IRS1: variants seen among roughly 807,000 people sequenced by gnomAD.
IRS1 encodes the protein insulin receptor substrate 1.
A neutral mutation model predicts 65.6 loss-of-function variants in IRS1; 34 were observed. The observed-to-expected ratio is 0.52, with a 90% CI of 0.39 to 0.69. The LOEUF is 0.69. IRS1 is among the 30% of genes least tolerant of loss of function. IRS1 has a pLI of 0.00. For missense variants in IRS1, 1,641 were observed against 1,720.2 expected (o/e 0.95, Z 0.81); for synonymous variants, 699 against 683.5 (o/e 1.02, Z -0.35).
intron 1 of IRS1, among the ~76,000 whole-genome samples, chr2:226,791,853 T>C (rs1025405972): frequency 6.6e-6 from 1 of 151,998 alleles, no homozygotes; most frequent in Non-Finnish European, 1.5e-5. Flanking sequence ...CCGCCCTGGA[T>C]GACCCGAGAC....
chr2:226,756,830 C>T (rs1422369563), intron 1 of IRS1, among the ~76,000 whole-genome samples: 6 of 151,972 alleles, frequency 3.9e-5, no homozygotes, highest in African/African-American at 4.8e-5. Flanking sequence ...GGCACGATGG[C>T]GTGCGCCTGT....
chr2:226,749,813 T>G (rs1938637332), intron 1 of IRS1, among the ~76,000 whole-genome samples: 1 of 152,150 alleles, frequency 6.6e-6, no homozygotes, highest in Admixed American at 6.5e-5. Flanking sequence ...ACTGCCCTAT[T>G]CTCATTTCTA....
At chr2:226,766,823 C>T (rs1293122185) in intron 1 of IRS1, among the ~76,000 whole-genome samples, 2 of 152,134 alleles carry the variant, frequency 1.3e-5, no homozygotes, top group Non-Finnish European at 2.9e-5. Context: ...ACTCTCTTGC[C>T]ACCATTCCAT....
chr2:226,795,226 C>T lies in IRS1; in HGVS notation c.3513G>A (p.Gly1171=). Residue 1171 remains glycine (G), a synonymous_variant, in exon 1 of 2, where the codon GGG becomes GGA. Coordinates refer to ENST00000305123, the MANE Select transcript of IRS1 (RefSeq NM_005544.3). The part of the protein sequence containing the change: ...KEPAKLCGAA[G]GLENGLNYID... ...TGTAGTTAAGACCATTCTCCAAACC[C>T]CCAGCAGCCCCACACAGTTTGGCTG... The T allele has an allele frequency of 6.2e-7, 1 of 1,614,076 alleles. No homozygotes were observed. Among genetic ancestry groups the T allele is most frequent in the Non-Finnish European group, 8.5e-7 (1 of 1,180,008 alleles).
chr2:226,798,601 G>A lies in IRS1; in HGVS notation c.138C>T (p.Tyr46=), dbSNP rs1939809825. The change falls in exon 1 of 2, where the codon TAC becomes TAT. Residue 46 remains tyrosine (Y), a synonymous_variant. Coordinates refer to ENST00000305123, the MANE Select transcript of IRS1 (RefSeq NM_005544.3). The surrounding 1 kb of genome is among the most constrained non-coding windows in gnomAD (Gnocchi z 9.4). Reference sequence around the variant, plus strand: ...GCCGCCACTTCTTCTCGTTCTCGTAGTACTCGAGGCGCGCCGGGCCCCCAG... The same window carrying A: ...GCCGCCACTTCTTCTCGTTCTCGTAATACTCGAGGCGCGCCGGGCCCCCAG... ...SEAGGPARLE[Y]YENEKKWRHK... 3 of 1,613,424 alleles carry A rather than the reference G, an allele frequency of 1.9e-6. No homozygotes were observed. The African/African-American group carries it at 4.0e-5, about 22-fold the overall frequency.
chr2:226,760,967 A>G (rs1236958448), intron 1 of IRS1, among the ~76,000 whole-genome samples: 2 of 152,222 alleles, frequency 1.3e-5, no homozygotes, highest in Non-Finnish European at 2.9e-5. Flanking sequence ...TTGTGAAAGT[A>G]TGATTGTGAA....
At chr2:226,758,465 A>G (rs990023510) in intron 1 of IRS1, among the ~76,000 whole-genome samples, 4 of 152,198 alleles carry the variant, frequency 2.6e-5, no homozygotes, top group African/African-American at 9.6e-5. Context: ...TAGCCTAAAT[A>G]CTTTCCCAAT....
intron 1 of IRS1, among the ~76,000 whole-genome samples, chr2:226,777,317 G>T (rs1029610770): frequency 3.3e-5 from 5 of 152,146 alleles, no homozygotes; most frequent in African/African-American, 1.2e-4. Context: ...ATAAAAAAGT[G>T]TATTTTAAAA....
In IRS1 at chr2:226,757,541, G is replaced by A. The variant is rs73083618; in HGVS notation, c.*22-21291C>T. On this transcript the variant is annotated intron_variant, in intron 1 of 1. Coordinates refer to ENST00000305123, the MANE Select transcript of IRS1 (RefSeq NM_005544.3). The stretch of plus-strand genomic sequence containing the variant: ...TGAGGCAAGAAAATTGCTTGAACCC[G>A]AAAGTGGAGGTTGCAGTGAGCCAAG... 3.6e-3 allele frequency among the ~76,000 whole-genome samples: 554 copies of A among 152,262 alleles called. 2 individuals are homozygous for A. Among genetic ancestry groups the A allele is most frequent in the African/African-American group, 0.012 (507 of 41,572 alleles).
intron 1 of IRS1, among the ~76,000 whole-genome samples, chr2:226,741,350 T>C (rs1238242203): frequency 6.6e-6 from 1 of 151,902 alleles, no homozygotes; most frequent in East Asian, 1.9e-4. Context: ...ATGGGGAGAG[T>C]AGGAATTTGA....
In IRS1 at chr2:226,796,177, G is replaced by T; in HGVS notation, c.2562C>A (p.Arg854=). 6.2e-7 allele frequency: 1 copy of T among 1,613,724 alleles called. No individual in the cohort carries two copies. Among genetic ancestry groups the T allele is most frequent in the Non-Finnish European group, 8.5e-7 (1 of 1,180,016 alleles). The change falls in exon 1 of 2, where the codon CGC becomes CGA. Residue 854 remains arginine, a synonymous_variant. Coordinates refer to ENST00000305123, the MANE Select transcript of IRS1 (RefSeq NM_005544.3). ...KVDTAAQTNS[R]LARPTRLSLG... ...GGGACAGCCTCGTGGGCCGGGCCAGGCGGCTATTGGTCTGAGCAGCTGTGT... is the reference window on the plus strand; with the variant it reads ...GGGACAGCCTCGTGGGCCGGGCCAGTCGGCTATTGGTCTGAGCAGCTGTGT...
intron 1 of IRS1, among the ~76,000 whole-genome samples, chr2:226,750,311 G>C (rs1260352045): frequency 6.7e-6 from 1 of 150,234 alleles, no homozygotes; most frequent in Non-Finnish European, 1.5e-5. Flanking sequence ...CAACTGGTTA[G>C]TAGTAGCACT....
chr2:226,767,900 A>G (rs1939086791), intron 1 of IRS1, among the ~76,000 whole-genome samples: 1 of 152,142 alleles, frequency 6.6e-6, no homozygotes, highest in African/African-American at 2.4e-5. Flanking sequence ...ACTTAGTAAC[A>G]TGGTGAGTGG....
rs561126011 is a variant in IRS1, at chr2:226,732,050, T to C, written c.*4222A>G. 1 of 152,278 alleles carries C rather than the reference T, an allele frequency of 6.6e-6. No homozygotes were observed. The highest frequency in any genetic ancestry group is 2.4e-5 in the African/African-American group (1 of 41,572). The allele number at this position is 152,278 out of a possible 1,614,324, so 9.4% of individuals were successfully genotyped here. ...ACAAACTAGAAAAGAAAGCTAACTC[T>C]CCACCTAAGTCATGTGTTTTCTAGT... On this transcript the variant is annotated 3_prime_UTR_variant, in exon 2 of 2. Coordinates refer to ENST00000305123, the MANE Select transcript of IRS1 (RefSeq NM_005544.3).
chr2:226,767,832 T>A (rs76490719), intron 1 of IRS1, among the ~76,000 whole-genome samples: 1 of 152,102 alleles, frequency 6.6e-6, no homozygotes, highest in Non-Finnish European at 1.5e-5. Flanking sequence ...ACTATCAAAC[T>A]CAAAGGCATG....
intron 1 of IRS1, among the ~76,000 whole-genome samples, chr2:226,746,024 A>G (rs1447569446): frequency 6.6e-6 from 1 of 152,250 alleles, no homozygotes; most frequent in Non-Finnish European, 1.5e-5. Context: ...CACAGGAAAG[A>G]GTACAAATTC....
chr2:226,783,291 T>C (rs1460257771), intron 1 of IRS1, among the ~76,000 whole-genome samples: 2 of 152,264 alleles, frequency 1.3e-5, no homozygotes, highest in African/African-American at 4.8e-5. Flanking sequence ...GTTTCTCCTT[T>C]ACAAACCTGA....
intron 1 of IRS1, among the ~76,000 whole-genome samples, chr2:226,758,757 G>C (rs932663720): frequency 1.3e-5 from 2 of 151,836 alleles, no homozygotes; most frequent in African/African-American, 4.8e-5. Flanking sequence ...AAAAAAAAAA[G>C]GTGTCAGTGA....
At chr2:226,775,966 C>G (rs1457716470) in intron 1 of IRS1, among the ~76,000 whole-genome samples, 1 of 151,434 alleles carries the variant, frequency 6.6e-6, no homozygotes, top group African/African-American at 2.4e-5. Context: ...TTGATTTGTG[C>G]TTGGTGAAAT....
Sources: allele counts gnomAD v4.1 joint callset (sites outside exome capture counted in the v4.1 genomes callset), GRCh38; gene constraint gnomAD v4.1.1; non-coding constraint Gnocchi (gnomAD v3.1); transcripts MANE v1.5; gene names NCBI Gene and HGNC (gene_info 2026-07-23, HGNC 2026-07-21).